The following EYS variants were observed in gnomAD, a reference collection of about 807,000 sequenced individuals.
EYS encodes the protein EGF-like photoreceptor maintenance factor.
Under a neutral mutation model 282.1 loss-of-function variants are expected in EYS, and 250 were observed. That is an observed-to-expected ratio of 0.89 (90% CI 0.80 to 0.98). EYS has a LOEUF of 0.98. EYS is among the 50% of genes least tolerant of loss of function. The pLI, the probability that EYS is intolerant of heterozygous loss-of-function variation, is 0.00. For missense variants in EYS, 4,016 were observed against 3,709.0 expected, an observed-to-expected ratio of 1.08 and a Z score of -2.15; for synonymous variants, 1,355 against 1,282.9, an observed-to-expected ratio of 1.06 and a Z score of -1.20.
chr6:64,309,101 A>G (rs1002368563), intron 29 of EYS, among the ~76,000 whole-genome samples: 6 of 152,156 alleles, frequency 3.9e-5, no homozygotes, highest in African/African-American at 1.4e-4. Context: ...GATTATAATG[A>G]TAGTGAATGT....
intron 22 of EYS, among the ~76,000 whole-genome samples, chr6:64,715,709 T>C (rs1048866214): frequency 6.6e-6 from 1 of 152,214 alleles, no homozygotes; most frequent in African/African-American, 2.4e-5. Flanking sequence ...TGCTAATGTT[T>C]GAAACATGTC....
chr6:63,965,608 G>A (rs576932899), intron 35 of EYS, among the ~76,000 whole-genome samples: 19 of 152,134 alleles, frequency 1.2e-4, no homozygotes, highest in Non-Finnish European at 7.3e-5. Flanking sequence ...TTATTCATGA[G>A]TAAAGAGCTT....
intron 31 of EYS, among the ~76,000 whole-genome samples, chr6:64,085,746 CTAT>C (rs978978960): frequency 2.6e-5 from 4 of 152,138 alleles, no homozygotes; most frequent in African/African-American, 9.7e-5. Flanking sequence ...TACAACTTAA[CTAT>C]TATTAAACTG....
At chr6:64,786,296 G>A (rs992721554) in intron 22 of EYS, among the ~76,000 whole-genome samples, 1 of 151,810 alleles carries the variant, frequency 6.6e-6, no homozygotes, top group African/African-American at 2.4e-5. Context: ...AGAGGGGTGG[G>A]CACTCCAAAG....
intron 12 of EYS, among the ~76,000 whole-genome samples, chr6:65,231,192 T>A (rs1318464840): frequency 7.6e-6 from 1 of 131,410 alleles, no homozygotes; most frequent in African/African-American, 2.7e-5. Context: ...ATAAAGAAAA[T>A]ATATATATAT....
intron 12 of EYS, among the ~76,000 whole-genome samples, chr6:65,061,595 T>C (rs1222249987): frequency 1.3e-5 from 2 of 151,800 alleles, no homozygotes; most frequent in Non-Finnish European, 2.9e-5. Context: ...AATAATCATA[T>C]TTTTTCTTCC....
intron 12 of EYS, among the ~76,000 whole-genome samples, chr6:65,136,984 T>A (rs1002307765): frequency 6.6e-6 from 1 of 152,054 alleles, no homozygotes; most frequent in East Asian, 1.9e-4. Flanking sequence ...ACCCAGCCAA[T>A]TTATTTCTTT....
chr6:65,559,719 T>A (rs991759660), intron 2 of EYS, among the ~76,000 whole-genome samples: 4 of 152,170 alleles, frequency 2.6e-5, no homozygotes, highest in African/African-American at 4.8e-5. Context: ...GTTTAATTAT[T>A]TCATTAAATG....
chr6:65,404,520 T>G (rs192807782), intron 6 of EYS, among the ~76,000 whole-genome samples: 1 of 152,208 alleles, frequency 6.6e-6, no homozygotes, highest in African/African-American at 2.4e-5. Context: ...CCCTTGTATC[T>G]CCAAATATTT....
At chr6:64,357,184 G>A (rs1377695077) in intron 29 of EYS, among the ~76,000 whole-genome samples, 1 of 151,576 alleles carries the variant, frequency 6.6e-6, no homozygotes, top group Admixed American at 6.6e-5. Flanking sequence ...AAATGGAAGT[G>A]AAGATAATAT....
chr6:64,194,695 C>G (rs1303542888), intron 31 of EYS, among the ~76,000 whole-genome samples: 2 of 152,116 alleles, frequency 1.3e-5, no homozygotes, highest in Admixed American at 1.3e-4. Context: ...TGATTAGCAA[C>G]AACGTATATT....
At chr6:64,723,665 C>A (rs1163357948) in intron 22 of EYS, among the ~76,000 whole-genome samples, 1 of 152,158 alleles carries the variant, frequency 6.6e-6, no homozygotes, top group Non-Finnish European at 1.5e-5. Context: ...CAATATCCTT[C>A]CTCTTTGAAG....
chr6:64,576,513 A>G (rs1023665918), intron 26 of EYS, among the ~76,000 whole-genome samples: 1 of 152,014 alleles, frequency 6.6e-6, no homozygotes, highest in African/African-American at 2.4e-5. Flanking sequence ...GAACATGTTG[A>G]GAGTGTCTTT....
chr6:64,929,701 A>T (rs1039310349), intron 15 of EYS, among the ~76,000 whole-genome samples: 3 of 152,172 alleles, frequency 2.0e-5, no homozygotes, highest in African/African-American at 7.2e-5. Context: ...TCCAGTGAGA[A>T]AATAATAATT....
chr6:64,250,804 G>A (rs983110650), intron 30 of EYS, among the ~76,000 whole-genome samples: 1 of 152,022 alleles, frequency 6.6e-6, no homozygotes, highest in African/African-American at 2.4e-5. Context: ...ATTTCCATGT[G>A]AGTTCTAAGG....
intron 7 of EYS, among the ~76,000 whole-genome samples, chr6:65,387,885 A>G (rs1230269136): frequency 6.6e-6 from 1 of 152,132 alleles, no homozygotes; most frequent in East Asian, 1.9e-4. Flanking sequence ...TGGTTTCATC[A>G]TGCATACATG....
intron 35 of EYS, among the ~76,000 whole-genome samples, chr6:63,880,291 C>T (rs1773092255): frequency 6.6e-6 from 1 of 152,158 alleles, no homozygotes; most frequent in East Asian, 1.9e-4. Context: ...TTCCAGCCTA[C>T]ATTTTTCTCC....
At chr6:63,977,662 T>C (rs916448615) in intron 35 of EYS, among the ~76,000 whole-genome samples, 2 of 151,768 alleles carry the variant, frequency 1.3e-5, no homozygotes, top group Non-Finnish European at 1.5e-5. Flanking sequence ...AACCATGGAG[T>C]GGCCCTTGGA....
intron 8 of EYS, among the ~76,000 whole-genome samples, chr6:65,357,953 AG>A (rs1764558082): frequency 6.6e-6 from 1 of 151,962 alleles, no homozygotes. Context: ...TGTGGAATTC[AG>A]TTATTTTAAT....
Sources: allele counts gnomAD v4.1 joint callset (sites outside exome capture counted in the v4.1 genomes callset), GRCh38; gene constraint gnomAD v4.1.1; transcripts MANE v1.5; gene names NCBI Gene and HGNC (gene_info 2026-07-23, HGNC 2026-07-21).